MAML1: variants seen among roughly 807,000 people sequenced by gnomAD.
MAML1 encodes mastermind-like protein 1.
In MAML1, 14 loss-of-function variants were observed where a neutral mutation model predicts 77.1. The ratio of observed to expected loss-of-function variants is 0.18; its 90% CI spans 0.12 to 0.28. The LOEUF is 0.28. Ranked by LOEUF, MAML1 falls within the 10% of genes least tolerant of loss-of-function variation. The probability of loss-of-function intolerance (pLI) is 1.00; values close to 1 mark genes in which losing one functional copy is unlikely to be tolerated. For missense variants in MAML1, 1,217 were observed against 1,327.8 expected (o/e 0.92, Z 1.30); for synonymous variants, 516 against 551.9 (o/e 0.93, Z 0.91).
chr5:179,770,580 C>T (rs768299862), intron 3 of MAML1, among the ~76,000 whole-genome samples: 9 of 152,124 alleles, frequency 5.9e-5, no homozygotes, highest in Admixed American at 1.3e-4. Context: ...TTTATTCATT[C>T]GTCTGTTCAT....
Position 179,768,786 on chromosome 5 carries a change from G to C in MAML1, c.1732-64G>C, listed in dbSNP as rs1028205296. 49 of 1,581,686 alleles carry C rather than the reference G, an allele frequency of 3.1e-5. No individual in the cohort carries two copies. In the African/African-American group the frequency reaches 6.5e-4, roughly 21 times the overall value. On this transcript the variant is annotated intron_variant, in intron 2 of 4. Coordinates refer to ENST00000292599, the MANE Select transcript of MAML1 (RefSeq NM_014757.5). The stretch of plus-strand genomic sequence containing the variant: ...CAAGAGAGTGAACCTTGAATTCACT[G>C]GATGGAGCTTATTTGGTCTGATCAG...
At chr5:179,755,623 T>C (rs1779596094) in intron 1 of MAML1, among the ~76,000 whole-genome samples, 1 of 152,032 alleles carries the variant, frequency 6.6e-6, no homozygotes, top group African/African-American at 2.4e-5. Context: ...TTGTCCAGCC[T>C]GCGGCCGAGA....
chr5:179,766,162 T>G lies in MAML1; in HGVS notation c.1152T>G (p.Ser384Arg). Residue 384 changes from serine to arginine, a missense_variant, in exon 2 of 5, where the codon AGT becomes AGG. Ser to Arg is a moderately radical substitution (Grantham distance 110). Transcript: ENST00000292599. This position sits in a 1 kb window ranked among gnomAD's most constrained non-coding sequence, Gnocchi z 4.0. ...QRALAGVVLP[S>R]QGPGGASELS... ...CCCTTGCAGGTGTGGTATTGCCCAG[T>G]CAGGGCCCAGGAGGGGCCTCAGAGC... The G allele has an allele frequency of 6.3e-7, 1 of 1,583,858 alleles. No individual in the cohort carries two copies. The highest frequency in any genetic ancestry group is 1.4e-5 in the African/African-American group (1 of 73,806).
intron 1 of MAML1, among the ~76,000 whole-genome samples, chr5:179,763,712 C>T (rs905507649): frequency 6.6e-6 from 1 of 152,138 alleles, no homozygotes; most frequent in African/African-American, 2.4e-5. Flanking sequence ...GACGCCCAGG[C>T]CAGGGCACTT....
intron 1 of MAML1, among the ~76,000 whole-genome samples, chr5:179,754,265 G>C (rs1237029072): frequency 6.6e-6 from 1 of 152,146 alleles, no homozygotes; most frequent in Admixed American, 6.5e-5. Context: ...CTGGGTAACA[G>C]AGCGAGACGC....
intron 1 of MAML1, among the ~76,000 whole-genome samples, chr5:179,759,666 A>G (rs1779688813): frequency 6.6e-6 from 1 of 152,160 alleles, no homozygotes; most frequent in Non-Finnish European, 1.5e-5. Context: ...GGACTGGGAG[A>G]GAAATGTTGA....
intron 1 of MAML1, among the ~76,000 whole-genome samples, chr5:179,749,002 G>A (rs144554290): frequency 8.7e-5 from 13 of 149,488 alleles, no homozygotes; most frequent in Middle Eastern, 3.4e-3. Flanking sequence ...GTCTCACTCT[G>A]TCGCCCGGGC....
Position 179,766,343 on chromosome 5 carries a change from C to A in MAML1, c.1333C>A (p.Pro445Thr). The A allele has an allele frequency of 6.2e-7, 1 of 1,606,428 alleles. No individual in the cohort carries two copies. ...CCACAGTTCCTTAGATGTCCCTTAC[C>A]CCATGGAGAAGCCTGCCAGCCCTTC... ...PSHSSLDVPY[P>T]MEKPASPSSY... Residue 445 changes from proline (P) to threonine (T), a missense_variant, in exon 2 of 5, where the codon CCC (proline) becomes ACC (threonine). This residue lies in a region of MAML1 where 884 missense variants were observed against 949.3 expected (regional missense o/e 0.93). Transcript: ENST00000292599. The surrounding 1 kb of genome is among the most constrained non-coding windows in gnomAD (Gnocchi z 4.0).
At chr5:179,764,346 G>T (rs994168513) in intron 1 of MAML1, among the ~76,000 whole-genome samples, 2 of 152,082 alleles carry the variant, frequency 1.3e-5, no homozygotes, top group African/African-American at 4.8e-5. Context: ...TTATGTTCAA[G>T]CAAATAGTCC....
chr5:179,738,557 T>C (rs1421826479), intron 1 of MAML1, among the ~76,000 whole-genome samples: 2 of 152,040 alleles, frequency 1.3e-5, no homozygotes, highest in African/African-American at 2.4e-5. Context: ...CCCAACTGAG[T>C]CTTTCCCTTC....
At chr5:179,747,449 C>T (rs1779402496) in intron 1 of MAML1, among the ~76,000 whole-genome samples, 1 of 152,156 alleles carries the variant, frequency 6.6e-6, no homozygotes. Flanking sequence ...ACCTGAATGT[C>T]CATCACAGAT....
intron 1 of MAML1, among the ~76,000 whole-genome samples, chr5:179,735,150 T>C (rs970428949): frequency 1.3e-5 from 2 of 152,120 alleles, no homozygotes; most frequent in African/African-American, 2.4e-5. Flanking sequence ...ATTGTACACA[T>C]GTACCCTAAA....
Position 179,774,678 on chromosome 5 carries a change from G to A in MAML1, c.2852G>A (p.Gly951Asp), listed in dbSNP as rs1236749258. The part of the protein sequence containing the change: ...FSQSPASQMG[G>D]RAGLHCTQAY... ...CAGAGCCCTGCCTCACAGATGGGCG[G>A]TCGGGCGGGGCTGCACTGCACCCAG... is the stretch of plus-strand genomic sequence containing the variant. The change falls in exon 5 of 5, where the codon GGT (glycine) becomes GAT (aspartate). Residue 951 changes from glycine (G) to aspartate (D), a missense_variant. Gly to Asp is a moderately conservative substitution (Grantham distance 94). Around this residue, in one of 3 missense-constraint regions of MAML1, gnomAD observed 884 missense variants for 949.3 expected, o/e 0.93. Transcript: ENST00000292599. The A allele has an allele frequency of 6.2e-7, 1 of 1,609,934 alleles. No homozygotes were observed. The highest frequency in any genetic ancestry group is 1.1e-5 in the South Asian group (1 of 91,034).
Position 179,733,091 on chromosome 5 carries a change from C to G in MAML1, c.-22C>G. 1 of 1,335,342 alleles carries G rather than the reference C, an allele frequency of 7.5e-7. No homozygotes were observed. The allele number at this position is 1,335,342 out of a possible 1,614,324, so 82.7% of individuals were successfully genotyped here. Reference sequence around the variant, plus strand: ...GCCCCGAGAGGCCCGGCCCCGGGCCCGGCCCGTGCAGCCCGCGGCCCATGG... The same window carrying G: ...GCCCCGAGAGGCCCGGCCCCGGGCCGGGCCCGTGCAGCCCGCGGCCCATGG... On this transcript the variant is annotated 5_prime_UTR_variant, in exon 1 of 5. Coordinates refer to ENST00000292599, the MANE Select transcript of MAML1 (RefSeq NM_014757.5).
At position 179,766,824 on chromosome 5, in the gene MAML1, C is replaced by T. The variant is rs552276370; in HGVS notation, c.1731+83C>T. Reference sequence around the variant, plus strand: ...CACTACTTTGGATGTTAATTGGATCCGAGGTAGTTGTGGGAAGAGGGAGGA... The same window carrying T: ...CACTACTTTGGATGTTAATTGGATCTGAGGTAGTTGTGGGAAGAGGGAGGA... On this transcript the variant is annotated intron_variant, in intron 2 of 4. Coordinates refer to ENST00000292599, the MANE Select transcript of MAML1 (RefSeq NM_014757.5). This position sits in a 1 kb window ranked among gnomAD's most constrained non-coding sequence, Gnocchi z 4.0. The T allele has an allele frequency of 7.1e-5, 85 of 1,194,546 alleles. No individual in the cohort carries two copies. In the African/African-American group the frequency reaches 1.1e-3, roughly 16 times the overall value. 74.0% of individuals were successfully genotyped at this position (1,194,546 alleles called of 1,614,324 possible). A position where few individuals can be genotyped will look rare whatever the true frequency, so the allele number is the denominator to read the frequency against.
intron 1 of MAML1, among the ~76,000 whole-genome samples, chr5:179,741,248 G>A (rs1044387377): frequency 6.6e-6 from 1 of 152,206 alleles, no homozygotes; most frequent in Non-Finnish European, 1.5e-5. Flanking sequence ...GCCAGGAATC[G>A]TGGTAGATGG....
intron 1 of MAML1, among the ~76,000 whole-genome samples, chr5:179,749,275 C>T (rs1451657794): frequency 6.6e-6 from 1 of 152,120 alleles, no homozygotes; most frequent in African/African-American, 2.4e-5. Context: ...TACAGGCATG[C>T]GCCACCACGC....
chr5:179,775,749 G>C lies in MAML1; in HGVS notation c.*872G>C. 1 of 985,514 alleles carries C rather than the reference G, an allele frequency of 1.0e-6. No homozygotes were observed. The highest frequency in any genetic ancestry group is 1.2e-6 in the Non-Finnish European group (1 of 829,966). 61.0% of individuals were successfully genotyped at this position (985,514 alleles called of 1,614,324 possible). The stretch of plus-strand genomic sequence containing the variant: ...TCTCTGAACATGTATGTTGCCCATG[G>C]TGGGAGCGTGGTCACTGTGCAGTTG... On this transcript the variant is annotated 3_prime_UTR_variant, in exon 5 of 5. Transcript: ENST00000292599.
chr5:179,753,668 T>TA lies in MAML1; in HGVS notation c.316-11658_316-11657insA, dbSNP rs1562560611. Among the ~76,000 whole-genome samples the TA allele has an allele frequency of 4.9e-5, 7 of 142,160 alleles. No individual in the cohort carries two copies. In the East Asian group the frequency reaches 1.4e-3, roughly 29 times the overall value. The allele number at this position is 142,160 out of a possible 152,430, so 93.3% of individuals were successfully genotyped here. A position where few individuals can be genotyped will look rare whatever the true frequency, so the allele number is the denominator to read the frequency against. On this transcript the variant is annotated intron_variant, in intron 1 of 4. Coordinates refer to ENST00000292599, the MANE Select transcript of MAML1 (RefSeq NM_014757.5). Reference sequence around the variant, plus strand: ...TTATTATTATTATTTTTTTTTTTTTTTTTTTTTTTGAGGCAGAGTTTCGCC... The same window carrying TA: ...TTATTATTATTATTTTTTTTTTTTTTATTTTTTTTTGAGGCAGAGTTTCGCC...
Sources: gnomAD v4.1 joint callset for allele counts (sites outside exome capture counted in the v4.1 genomes callset) on GRCh38, gnomAD v4.1.1 for gene constraint, gnomAD v4.1.1 regional missense constraint, Gnocchi (gnomAD v3.1) non-coding constraint, MANE v1.5 for transcripts, NCBI Gene and HGNC (gene_info 2026-07-23, HGNC 2026-07-21) for gene names.